Variants in CLDN18 observed in about 807,000 individuals in gnomAD.
The protein encoded by CLDN18 is claudin 18.
Under a neutral mutation model 25.0 loss-of-function variants are expected in CLDN18, and 20 were observed. The ratio of observed to expected loss-of-function variants is 0.80; its 90% CI spans 0.56 to 1.16. The LOEUF (loss-of-function observed/expected upper bound fraction) is 1.16, where lower values mean the gene tolerates loss of function less well. CLDN18 is among the 50% of genes most tolerant of loss of function. The pLI is 0.00. For synonymous variants in CLDN18, 125 were observed against 135.6 expected (o/e 0.92, Z 0.54); for missense variants, 297 against 345.4 (o/e 0.86, Z 1.11).
chr3:137,999,166 C>T (rs536296946), intron 1 of CLDN18: 51 of 1,273,424 alleles, frequency 4.0e-5, no homozygotes, highest in East Asian at 6.9e-5. Context: ...CTGGGCACCA[C>T]GACAGGGACT....
At chr3:138,009,856 C>A, upstream of CLDN18, 1 of 254,412 alleles carries the variant, frequency 3.9e-6, no homozygotes, top group South Asian at 6.5e-5. Context: ...GTCACGTTCC[C>A]CGTGGTGGGG....
intron 1 of CLDN18, among the ~76,000 whole-genome samples, chr3:138,001,379 C>CTT (rs149993251): frequency 0.028 from 3,912 of 141,078 alleles, 70 homozygotes; most frequent in African/African-American, 0.042. Flanking sequence ...TCCCCCCATT[C>CTT]TTTTTTTTTT....
chr3:138,010,601 A>G (rs1402841436), intron 1 of CLDN18, among the ~76,000 whole-genome samples, 156 bp downstream of exon 1: 3 of 152,214 alleles, frequency 2.0e-5, no homozygotes, highest in Non-Finnish European at 2.9e-5. Flanking sequence ...GCTCGTGTCT[A>G]ATAGGGCAAC....
intron 1 of CLDN18, among the ~76,000 whole-genome samples, chr3:138,004,249 A>G (rs1409848841): frequency 6.6e-6 from 1 of 152,220 alleles, no homozygotes; most frequent in Non-Finnish European, 1.5e-5. Flanking sequence ...TCCATTTTAT[A>G]GGTGAGGAAA....
rs905768781 is a variant in CLDN18 at position 138,033,157 on chromosome 3, A to G, written c.*2016A>G. 7 of 152,256 alleles carry G rather than the reference A, an allele frequency of 4.6e-5. No homozygotes were observed. The highest frequency in any genetic ancestry group is 1.7e-4 in the African/African-American group (7 of 41,450). The allele number at this position is 152,256 out of a possible 1,614,324, so 9.4% of individuals were successfully genotyped here. A position where few individuals can be genotyped will look rare whatever the true frequency, so the allele number is the denominator to read the frequency against. On this transcript the variant is annotated 3_prime_UTR_variant, in exon 5 of 5. Coordinates refer to ENST00000183605, the MANE Select transcript of CLDN18 (RefSeq NM_016369.4). ...GGAAAGAACGGATTATGCCCCATTAAATAACAAGTTGTGTTCAAGAGTCAG... is the reference window on the plus strand; with the variant it reads ...GGAAAGAACGGATTATGCCCCATTAGATAACAAGTTGTGTTCAAGAGTCAG...
intron 1 of CLDN18, among the ~76,000 whole-genome samples, chr3:138,004,388 A>T (rs34196908): frequency 0.11 from 16,271 of 152,202 alleles, 1,075 homozygotes; most frequent in Middle Eastern, 0.18. Flanking sequence ...TTATCAAAAT[A>T]CCGGCAAGAG....
intron 1 of CLDN18, among the ~76,000 whole-genome samples, chr3:138,019,580 A>C (rs952361611): frequency 6.6e-6 from 1 of 151,468 alleles, no homozygotes; most frequent in South Asian, 2.1e-4. Flanking sequence ...TTTCAGTCCA[A>C]CTCTCCACTC....
At chr3:138,003,605 A>C (rs1054677222) in intron 1 of CLDN18, among the ~76,000 whole-genome samples, 1 of 152,242 alleles carries the variant, frequency 6.6e-6, no homozygotes, top group Non-Finnish European at 1.5e-5. Flanking sequence ...CAAAATCAAA[A>C]TGAAAGAAGT....
chr3:138,032,356 G>A lies in CLDN18; in HGVS notation c.*1215G>A, dbSNP rs1942407792. The A allele has an allele frequency of 6.6e-6, 1 of 152,180 alleles. No homozygotes were observed. The highest frequency in any genetic ancestry group is 1.5e-5 in the Non-Finnish European group (1 of 68,112). The allele number at this position is 152,180 out of a possible 1,614,324, so 9.4% of individuals were successfully genotyped here. ...GGGAGGATCACTTGAGCCCAGGGAGGTTGGGGCTGCAGTGAGCCATGATCA... is the reference window on the plus strand; with the variant it reads ...GGGAGGATCACTTGAGCCCAGGGAGATTGGGGCTGCAGTGAGCCATGATCA... On this transcript the variant is annotated 3_prime_UTR_variant, in exon 5 of 5. Coordinates refer to ENST00000183605, the MANE Select transcript of CLDN18 (RefSeq NM_016369.4).
chr3:138,027,878 C>A (rs946237061), intron 3 of CLDN18, among the ~76,000 whole-genome samples: 1 of 152,162 alleles, frequency 6.6e-6, no homozygotes, highest in African/African-American at 2.4e-5. Flanking sequence ...GATGAGGGGG[C>A]AGGGCTCTTC....
Position 138,003,580 on chromosome 3 carries a change from T to C in CLDN18, c.220+4492T>C, listed in dbSNP as rs1942040035. Among the ~76,000 whole-genome samples the C allele has an allele frequency of 2.0e-5, 3 of 152,194 alleles. No individual in the cohort carries two copies. The South Asian group carries it at 6.2e-4, about 31-fold the overall frequency. ...ATACGTTAAACGCTTAAGAATAATA[T>C]GCTTAAATATTTGGCAAAATCAAAA... On this transcript the variant is annotated intron_variant, in intron 1 of 4. Coordinates refer to the CLDN18 transcript ENST00000343735.
Position 138,010,275 on chromosome 3 carries a change from G to A in CLDN18, c.50G>A (p.Gly17Glu), listed in dbSNP as rs752124309. 2 of 1,613,916 alleles carry A rather than the reference G, an allele frequency of 1.2e-6. No individual in the cohort carries two copies. Among genetic ancestry groups the A allele is most frequent in the African/African-American group, 1.3e-5 (1 of 74,912 alleles). The part of the protein sequence containing the change: ...QVVAFLLSIL[G>E]LAGCIAATGM... ...GTGGCGTTCCTCCTGTCCATCCTGG[G>A]GCTGGCCGGCTGCATCGCGGCCACC... Residue 17 changes from glycine to glutamate, a missense_variant, in exon 1 of 5, where the codon GGG becomes GAG. By Grantham distance (98) the Gly-to-Glu change is moderately conservative. Transcript: ENST00000183605.
chr3:138,028,963 C>T (rs12496638), intron 3 of CLDN18, among the ~76,000 whole-genome samples: 19,258 of 152,166 alleles, frequency 0.13, 1,292 homozygotes, highest in African/African-American at 0.13. Flanking sequence ...TCAATAAAGA[C>T]TTGTTGAACA....
rs118083887 is a variant in CLDN18 at position 138,018,261 on chromosome 3, T to C, written c.221-5397T>C. ...GGTAAGGGTTCACGCTCTTCAAAGA[T>C]AGTGCCTTTTGTTGTGTCCTTATAT... On this transcript the variant is annotated intron_variant, in intron 1 of 4. Coordinates refer to ENST00000183605, the MANE Select transcript of CLDN18 (RefSeq NM_016369.4). 4.6e-5 allele frequency among the ~76,000 whole-genome samples: 7 copies of C among 152,090 alleles called. No homozygotes were observed. The East Asian group carries it at 1.2e-3, about 25-fold the overall frequency.
chr3:138,030,942 A>C, intron 4 of CLDN18, 28 bp from the exon 5 acceptor site: 5 of 1,599,070 alleles, frequency 3.1e-6, no homozygotes, highest in Non-Finnish European at 4.3e-6. Flanking sequence ...AGACATCTAC[A>C]ATCATGGAAT....
upstream of CLDN18, chr3:138,010,022 C>T: frequency 1.2e-6 from 1 of 859,164 alleles, no homozygotes; most frequent in Non-Finnish European, 1.7e-6. Flanking sequence ...GCCTCTTGGG[C>T]CCGCTTCTCT....
chr3:138,027,906 C>G (rs926357464), intron 3 of CLDN18, among the ~76,000 whole-genome samples: 1 of 152,154 alleles, frequency 6.6e-6, no homozygotes, highest in Non-Finnish European at 1.5e-5. Flanking sequence ...GGCAGAAGCC[C>G]TTAAACCAAA....
intron 1 of CLDN18, among the ~76,000 whole-genome samples, chr3:138,015,640 G>C (rs1228633227): frequency 6.6e-6 from 1 of 152,100 alleles, no homozygotes; most frequent in African/African-American, 2.4e-5. Flanking sequence ...GGCTGAGACA[G>C]AAGGATCATC....
intron 1 of CLDN18, among the ~76,000 whole-genome samples, chr3:138,014,149 C>T (rs1040007797): frequency 1.3e-5 from 2 of 151,946 alleles, no homozygotes; most frequent in Admixed American, 6.6e-5. Flanking sequence ...ACTTTTATTC[C>T]GTGTCAGGCC....
Sources: gnomAD v4.1 joint callset for allele counts (sites outside exome capture counted in the v4.1 genomes callset) on GRCh38, gnomAD v4.1.1 for gene constraint, MANE v1.5 for transcripts, NCBI Gene and HGNC (gene_info 2026-07-23, HGNC 2026-07-21) for gene names.